The following MAML3 variants were observed in gnomAD, a reference collection of about 807,000 sequenced individuals.
MAML3 encodes the protein mastermind-like protein 3.
In MAML3, 27 loss-of-function variants were observed where a neutral mutation model predicts 101.9. The ratio of observed to expected loss-of-function variants is 0.27; its 90% CI spans 0.20 to 0.37. The LOEUF is 0.37. MAML3 is among the 10% of genes least tolerant of loss of function. MAML3 has a pLI of 1.00. For synonymous variants in MAML3, 501 were observed against 555.9 expected (o/e 0.90, Z 1.39); for missense variants, 1,316 against 1,444.9 (o/e 0.91, Z 1.45).
chr4:140,053,113 C>T (rs933515529), intron 1 of MAML3, among the ~76,000 whole-genome samples: 6 of 152,216 alleles, frequency 3.9e-5, no homozygotes, highest in African/African-American at 1.4e-4. Context: ...GAGACAAATA[C>T]ACTCTGGGTA....
At chr4:139,762,792 C>A (rs962101960) in intron 2 of MAML3, among the ~76,000 whole-genome samples, 3 of 152,106 alleles carry the variant, frequency 2.0e-5, no homozygotes, top group African/African-American at 7.2e-5. Context: ...TCTCTGTAGA[C>A]CTCGTTGACC....
intron 2 of MAML3, among the ~76,000 whole-genome samples, chr4:139,775,181 T>C (rs1730069350): frequency 6.6e-6 from 1 of 152,234 alleles, no homozygotes; most frequent in Non-Finnish European, 1.5e-5. Flanking sequence ...AATCCTATTT[T>C]CATTGCCCTA....
intron 2 of MAML3, among the ~76,000 whole-genome samples, chr4:139,851,845 G>T (rs2111156333): frequency 6.6e-6 from 1 of 152,314 alleles, no homozygotes; most frequent in East Asian, 1.9e-4. Flanking sequence ...GGATGTTCCT[G>T]CCAGAAACTG....
intron 1 of MAML3, among the ~76,000 whole-genome samples, chr4:139,902,048 G>A (rs2111212849): frequency 6.6e-6 from 1 of 152,230 alleles, no homozygotes; most frequent in African/African-American, 2.4e-5. Context: ...GAAAACAAAA[G>A]TATTGAAATA....
chr4:139,894,687 G>C (rs17050981), intron 1 of MAML3, among the ~76,000 whole-genome samples: 96,829 of 151,866 alleles, frequency 0.64, 34,333 homozygotes, highest in Non-Finnish European at 0.81. Flanking sequence ...TCGAACTGCT[G>C]AACACAAGGC....
chr4:139,843,277 C>T (rs1042004599), intron 2 of MAML3, among the ~76,000 whole-genome samples: 36 of 152,210 alleles, frequency 2.4e-4, no homozygotes, highest in East Asian at 1.5e-3. Flanking sequence ...GCTCAGCATG[C>T]GAAGAAAGGT....
intron 2 of MAML3, among the ~76,000 whole-genome samples, chr4:139,844,935 C>A (rs1560811686): frequency 6.6e-6 from 1 of 152,138 alleles, no homozygotes. Context: ...CTTTTGATAT[C>A]ATCAATATGG....
At chr4:139,981,950 G>C (rs945967374) in intron 1 of MAML3, among the ~76,000 whole-genome samples, 2 of 152,120 alleles carry the variant, frequency 1.3e-5, no homozygotes, top group African/African-American at 4.8e-5. Flanking sequence ...TCATCATCTG[G>C]CTGAGGGAGT....
chr4:139,749,496 T>C (rs1045269719), intron 2 of MAML3, among the ~76,000 whole-genome samples: 3 of 152,164 alleles, frequency 2.0e-5, no homozygotes, highest in Non-Finnish European at 4.4e-5. Flanking sequence ...ACAGACACAG[T>C]ACTCATGGCA....
At chr4:140,042,779 C>A (rs1037644065) in intron 1 of MAML3, among the ~76,000 whole-genome samples, 6 of 152,256 alleles carry the variant, frequency 3.9e-5, no homozygotes, top group African/African-American at 1.4e-4. Flanking sequence ...TGCGGAGCTT[C>A]CTGTGGGCCC....
chr4:139,807,416 T>C (rs1434470730), intron 2 of MAML3, among the ~76,000 whole-genome samples: 1 of 152,190 alleles, frequency 6.6e-6, no homozygotes, highest in Non-Finnish European at 1.5e-5. Flanking sequence ...TGCACTTGTT[T>C]AGCCATATGC....
chr4:139,940,687 C>A (rs1196931922), intron 1 of MAML3, among the ~76,000 whole-genome samples: 1 of 152,170 alleles, frequency 6.6e-6, no homozygotes, highest in Non-Finnish European at 1.5e-5. Context: ...TCTTGGGACC[C>A]CACTTGGCTT....
At chr4:139,871,297 CAATT>C (rs1732002480) in intron 2 of MAML3, among the ~76,000 whole-genome samples, 3 of 152,138 alleles carry the variant, frequency 2.0e-5, no homozygotes, top group South Asian at 2.1e-4. Context: ...GTACAAATGA[CAATT>C]AAGCCAATTA....
chr4:139,871,985 C>A (rs1400908176), intron 2 of MAML3, among the ~76,000 whole-genome samples: 1 of 152,088 alleles, frequency 6.6e-6, no homozygotes, highest in Non-Finnish European at 1.5e-5. Context: ...TGAAATTTCA[C>A]CAGATTGGGT....
chr4:139,889,225 C>T (rs776000856), intron 2 of MAML3, 132 bp downstream of exon 2: 40 of 1,548,886 alleles, frequency 2.6e-5, no homozygotes, highest in Non-Finnish European at 3.4e-5. Flanking sequence ...TGGCCACTAC[C>T]TGAGGATGTG....
chr4:139,988,954 T>C (rs1734608774), intron 1 of MAML3, among the ~76,000 whole-genome samples: 1 of 152,192 alleles, frequency 6.6e-6, no homozygotes, highest in Admixed American at 6.5e-5. Context: ...GCTCTACCCC[T>C]GCTCAGCATC....
chr4:139,883,684 T>C (rs1331704587), intron 2 of MAML3, among the ~76,000 whole-genome samples: 1 of 152,018 alleles, frequency 6.6e-6, no homozygotes, highest in East Asian at 1.9e-4. Flanking sequence ...AACATGGAAG[T>C]GGCTGCCTTT....
chr4:140,153,306 C>T lies in MAML3; in HGVS notation c.22G>A (p.Ala8Thr). The T allele has an allele frequency of 6.3e-7, 1 of 1,595,158 alleles. No individual in the cohort carries two copies. The highest frequency in any genetic ancestry group is 8.6e-7 in the Non-Finnish European group (1 of 1,169,558). The stretch of plus-strand genomic sequence containing the variant: ...ATACTACTGCCATTCGCGGCAGCAG[C>T]GGGGGCTGCGAAATCCCCCATCCTG... MGDFAAPAAAANGSSICI... is the reference protein window; with the variant it reads MGDFAAPTAAANGSSICI... Residue 8 changes from alanine (A) to threonine (T), a missense_variant, in exon 1 of 5, where the codon GCT becomes ACT. By Grantham distance (58) the Ala-to-Thr change is moderately conservative. Coordinates refer to ENST00000509479, the MANE Select transcript of MAML3 (RefSeq NM_018717.5).
intron 1 of MAML3, among the ~76,000 whole-genome samples, chr4:140,049,152 CAA>C (rs1415381818): frequency 6.6e-6 from 1 of 151,726 alleles, no homozygotes; most frequent in Non-Finnish European, 1.5e-5. Flanking sequence ...CTTTTCTTCA[CAA>C]AGAAAAAAAA....
Sources: gnomAD v4.1 joint callset for allele counts (sites outside exome capture counted in the v4.1 genomes callset) on GRCh38, gnomAD v4.1.1 for gene constraint, MANE v1.5 for transcripts, NCBI Gene and HGNC (gene_info 2026-07-23, HGNC 2026-07-21) for gene names.